The following SEMA3D variants were observed in gnomAD, a reference collection of about 807,000 sequenced individuals.
SEMA3D encodes the protein semaphorin 3D.
In SEMA3D, 84 loss-of-function variants were observed where a neutral mutation model predicts 100.1. The observed-to-expected ratio is 0.84, with a 90% CI of 0.70 to 1.01. SEMA3D has a LOEUF of 1.01. Among genes scored for constraint, SEMA3D ranks in the 50% least tolerant of loss-of-function variants. The pLI, the probability that SEMA3D is intolerant of heterozygous loss-of-function variation, is 0.00. For missense variants in SEMA3D, 875 were observed against 934.1 expected, an observed-to-expected ratio of 0.94 and a Z score of 0.82; for synonymous variants, 312 against 320.7, an observed-to-expected ratio of 0.97 and a Z score of 0.29.
chr7:85,085,047 T>C (rs1788178266), intron 4 of SEMA3D, among the ~76,000 whole-genome samples: 1 of 152,222 alleles, frequency 6.6e-6, no homozygotes, highest in African/African-American at 2.4e-5. Flanking sequence ...CTACCACTGA[T>C]GGGCGTTTAG....
chr7:85,050,072 AACACACACACACAC>A (rs55849524), intron 9 of SEMA3D, among the ~76,000 whole-genome samples: 1,598 of 137,014 alleles, frequency 0.012, 33 homozygotes, highest in African/African-American at 0.04. Context: ...CTTGAAGGGA[AACACACACACACAC>A]ACACACACAC....
rs1446043529 is a variant in SEMA3D, at chr7:85,147,595, G to GT, written c.-41+6012dup. On this transcript the variant is annotated intron_variant, in intron 2 of 18. Coordinates refer to ENST00000284136, the MANE Select transcript of SEMA3D (RefSeq NM_001384900.1). ...TTGATCAATTTAGAAGCAAAATCTT[G>GT]TATCTATAAATATATTTTTCTGATA... Among the ~76,000 whole-genome samples the GT allele has an allele frequency of 2.6e-5, 4 of 152,114 alleles. No individual in the cohort carries two copies. In the East Asian group the frequency reaches 7.7e-4, roughly 29 times the overall value.
At chr7:85,029,306 C>T (rs939805879) in intron 12 of SEMA3D, 2 of 1,150,976 alleles carry the variant, frequency 1.7e-6, no homozygotes, top group African/African-American at 1.5e-5. Flanking sequence ...GACATTGAGC[C>T]TATGGTCCAG....
At chr7:85,171,710 A>C (rs2116548639) in intron 1 of SEMA3D, among the ~76,000 whole-genome samples, 1 of 152,192 alleles carries the variant, frequency 6.6e-6, no homozygotes, top group African/African-American at 2.4e-5. Context: ...TCATTTACTA[A>C]AAATCTCACA....
At chr7:85,178,563 G>T (rs1214397236) in intron 1 of SEMA3D, among the ~76,000 whole-genome samples, 3 of 152,184 alleles carry the variant, frequency 2.0e-5, no homozygotes, top group Admixed American at 6.5e-5. Flanking sequence ...ACTTGAGAGA[G>T]ATGATTTAGG....
Position 85,121,749 on chromosome 7 carries a change from G to A in SEMA3D, c.143C>T (p.Thr48Ile). ...AATATGTATATATTTACCTTTGTAG[G>A]TTAGCTTGAGTCTTGGAATATTTTG... is the stretch of plus-strand genomic sequence containing the variant. Reference protein sequence around the residue: ...LKQNIPRLKLTYKDLLLSNSC... With the variant: ...LKQNIPRLKLIYKDLLLSNSC... The change falls in exon 3 of 19, where the codon ACC becomes ATC. Residue 48 changes from threonine (T) to isoleucine (I), a missense_variant. Coordinates refer to ENST00000284136, the MANE Select transcript of SEMA3D (RefSeq NM_001384900.1). 6.4e-7 allele frequency: 1 copy of A among 1,564,986 alleles called. No individual in the cohort carries two copies. Among genetic ancestry groups the A allele is most frequent in the Non-Finnish European group, 8.7e-7 (1 of 1,145,796 alleles).
rs143605383 is a variant in SEMA3D at position 85,006,655 on chromosome 7, A to G, written c.1908+147T>C. 4.0e-3 allele frequency: 2,147 copies of G among 542,734 alleles called. 6 individuals are homozygous for G. The highest frequency in any genetic ancestry group is 4.5e-3 in the Non-Finnish European group (1,481 of 328,156). 33.6% of individuals were successfully genotyped at this position (542,734 alleles called of 1,614,324 possible). A position where few individuals can be genotyped will look rare whatever the true frequency, so the allele number is the denominator to read the frequency against. The stretch of plus-strand genomic sequence containing the variant: ...GTTGGCCTATTCTTATCTCAAAGCT[A>G]TTGTTACCTTTGGTGTTAGTGAGTA... On this transcript the variant is annotated intron_variant, in intron 18 of 18. Transcript: ENST00000284136.
At position 84,995,979 on chromosome 7, in the gene SEMA3D, T is replaced by C. The variant is rs1789488342; in HGVS notation, c.*3461A>G. On this transcript the variant is annotated 3_prime_UTR_variant, in exon 19 of 19. Transcript: ENST00000284136. ...CCTATAAAAACACTTCAAATATCTT[T>C]TTTTTTTTTTGGTTTGTTTCTAAAT... 1 of 151,458 alleles carries C rather than the reference T, an allele frequency of 6.6e-6. No individual in the cohort carries two copies. The highest frequency in any genetic ancestry group is 1.5e-5 in the Non-Finnish European group (1 of 67,698). The allele number at this position is 151,458 out of a possible 1,614,324, so 9.4% of individuals were successfully genotyped here. A position where few individuals can be genotyped will look rare whatever the true frequency, so the allele number is the denominator to read the frequency against.
intron 2 of SEMA3D, among the ~76,000 whole-genome samples, chr7:85,126,764 G>C (rs1789583248): frequency 6.6e-6 from 1 of 152,020 alleles, no homozygotes; most frequent in African/African-American, 2.4e-5. Context: ...AAACTCGAAA[G>C]CCAAAGGGGT....
intron 2 of SEMA3D, chr7:85,140,937 C>T: frequency 1.7e-6 from 1 of 605,678 alleles, no homozygotes. Context: ...TTAAAATCTT[C>T]TTTATTTTTC....
the SEMA3D span, among the ~76,000 whole-genome samples, chr7:85,228,101 T>A: frequency 6.6e-6 from 1 of 152,142 alleles, no homozygotes; most frequent in South Asian, 2.1e-4. Context: ...TTTTATAAAT[T>A]TTATGATGAA....
In SEMA3D at chr7:85,097,941, A is replaced by T. The variant is rs776110750; in HGVS notation, c.176T>A (p.Ile59Asn). The stretch of plus-strand genomic sequence containing the variant: ...TCCTTCTGATGAACCCAAAAAGGGA[A>T]TACAGCTATTTGAAAGCAGCAAGTC... ...YKDLLLSNSC[I>N]PFLGSSEGLD... is the part of the protein sequence containing the mutation. Residue 59 changes from isoleucine to asparagine, a missense_variant, in exon 4 of 19, where the codon ATT (isoleucine) becomes AAT (asparagine). Coordinates refer to ENST00000284136, the MANE Select transcript of SEMA3D (RefSeq NM_001384900.1). 1.3e-6 allele frequency: 2 copies of T among 1,592,184 alleles called. No individual in the cohort carries two copies. The highest frequency in any genetic ancestry group is 1.7e-6 in the Non-Finnish European group (2 of 1,166,756).
the SEMA3D span, among the ~76,000 whole-genome samples, chr7:85,232,820 G>T: frequency 6.6e-6 from 1 of 152,254 alleles, no homozygotes; most frequent in East Asian, 1.9e-4. Flanking sequence ...AAGTAAACTA[G>T]CTCTCTTGGG....
At chr7:85,055,664 A>G (rs1791290977) in intron 9 of SEMA3D, 53 bp downstream of exon 9, 2 of 237,622 alleles carry the variant, frequency 8.4e-6, no homozygotes, top group South Asian at 1.3e-4. Flanking sequence ...ATATATATAT[A>G]TATATATATA....
intron 2 of SEMA3D, chr7:85,140,669 A>C: frequency 1.0e-6 from 1 of 979,018 alleles, no homozygotes; most frequent in Non-Finnish European, 1.2e-6. Flanking sequence ...CGAACACATT[A>C]TTAAGTGCTT....
intron 7 of SEMA3D, 24 bp downstream of exon 7, chr7:85,068,167 A>T (rs1220812569): frequency 1.5e-6 from 2 of 1,341,330 alleles, no homozygotes; most frequent in African/African-American, 1.4e-5. Context: ...TTTAAGGATA[A>T]GAACTGCCTG....
In SEMA3D at chr7:85,125,831, C is replaced by A. The variant is rs371045741; in HGVS notation, c.-40-3900G>T. 2.5e-4 allele frequency among the ~76,000 whole-genome samples: 38 copies of A among 150,942 alleles called. No individual in the cohort carries two copies. The East Asian group carries it at 5.0e-3, about 20-fold the overall frequency. ...TGTGTGCACATGTGTGTGTGTTGTG[C>A]ATCTGGGATGAATTATGGAGAGAAG... On this transcript the variant is annotated intron_variant, in intron 2 of 18. Transcript: ENST00000284136.
chr7:85,180,587 T>C (rs1791374539), intron 1 of SEMA3D, among the ~76,000 whole-genome samples: 3 of 152,208 alleles, frequency 2.0e-5, no homozygotes, highest in African/African-American at 4.8e-5. Flanking sequence ...ATTGAGCAAA[T>C]AGTACAGATA....
chr7:85,086,702 AAGAC>A (rs1356684915), intron 4 of SEMA3D, among the ~76,000 whole-genome samples: 7 of 147,560 alleles, frequency 4.7e-5, no homozygotes, highest in African/African-American at 1.0e-4. Context: ...AAGAGAGAGA[AAGAC>A]AGAGACACAC....
Sources: gnomAD v4.1 joint callset for allele counts (sites outside exome capture counted in the v4.1 genomes callset) on GRCh38, gnomAD v4.1.1 for gene constraint, MANE v1.5 for transcripts, NCBI Gene and HGNC (gene_info 2026-07-23, HGNC 2026-07-21) for gene names.